DYSF: variants seen among roughly 807,000 people sequenced by gnomAD.
DYSF encodes dysferlin.
DYSF carries 212 observed loss-of-function variants against 274.9 expected under a neutral mutation model. The ratio of observed to expected loss-of-function variants is 0.77; its 90% confidence interval spans 0.69 to 0.86. The LOEUF (loss-of-function observed/expected upper bound fraction) is 0.86. Among genes scored for constraint, DYSF ranks in the 40% least tolerant of loss-of-function variants. DYSF has a pLI of 0.00. For missense variants in DYSF, 2,666 were observed against 2,783.2 expected (o/e 0.96, Z 0.95); for synonymous variants, 1,091 against 1,078.7 (o/e 1.01, Z -0.22).
At chr2:71,543,807 CG>C (rs914921939) in intron 17 of DYSF, among the ~76,000 whole-genome samples, 33 of 152,026 alleles carry the variant, frequency 2.2e-4, no homozygotes, top group African/African-American at 8.0e-4. Context: ...GCAGAGATGG[CG>C]GCAGTACAGT....
intron 41 of DYSF, among the ~76,000 whole-genome samples, chr2:71,641,183 T>TC (rs1163559837): frequency 2.0e-5 from 3 of 146,472 alleles, no homozygotes; most frequent in Admixed American, 1.3e-4. Flanking sequence ...TATCTATTTT[T>TC]TTTTTTTTTT....
rs1349149453 is a variant in DYSF, at chr2:71,668,835, G to A, written c.5539G>A (p.Ala1847Thr). 5 of 1,612,902 alleles carry A rather than the reference G, an allele frequency of 3.1e-6. No individual in the cohort carries two copies. The South Asian group carries it at 4.4e-5, about 14-fold the overall frequency. The change falls in exon 49 of 56, where the codon GCC becomes ACC. Residue 1847 changes from alanine to threonine, a missense_variant. This residue lies in a region of DYSF where 1,460 missense variants were observed against 1,502.1 expected (regional missense o/e 0.97). Coordinates refer to ENST00000410020, the MANE Select transcript of DYSF (RefSeq NM_001130987.2). The stretch of plus-strand genomic sequence containing the variant: ...TCCCTTCAACATCACCCCACGGAGA[G>A]CCAGAAGGTGACTTGCCCAGCCACA... ...GPPFNITPRR[A>T]RRFFLRCIIW...
intron 17 of DYSF, among the ~76,000 whole-genome samples, chr2:71,550,408 C>T (rs558483237): frequency 2.0e-4 from 30 of 151,760 alleles, no homozygotes; most frequent in South Asian, 1.9e-3. Flanking sequence ...GTTCTTTGTA[C>T]AATGTGTGTG....
At chr2:71,599,478 G>C (rs1030052400) in intron 33 of DYSF, among the ~76,000 whole-genome samples, 2 of 152,240 alleles carry the variant, frequency 1.3e-5, no homozygotes, top group Non-Finnish European at 2.9e-5. Flanking sequence ...GGGAGAGAGT[G>C]CTATGGGCTG....
intron 55 of DYSF, among the ~76,000 whole-genome samples, chr2:71,686,247 C>T (rs545171027): frequency 1.8e-4 from 27 of 152,248 alleles, no homozygotes; most frequent in Admixed American, 1.0e-3. Flanking sequence ...CTAGGCAGGG[C>T]GGAGTGTTGA....
At chr2:71,685,108 C>G (rs891547290) in intron 55 of DYSF, among the ~76,000 whole-genome samples, 1 of 152,198 alleles carries the variant, frequency 6.6e-6, no homozygotes, top group Non-Finnish European at 1.5e-5. Context: ...GGAAGGAGGC[C>G]CTGCTGCCTG....
chr2:71,589,498 T>C, intron 30 of DYSF, 95 bp from the exon 31 acceptor site: 1 of 967,776 alleles, frequency 1.0e-6, no homozygotes, highest in Non-Finnish European at 1.7e-6. Context: ...AGCGGAGAGA[T>C]CTCCTGGCCC....
intron 1 of DYSF, among the ~76,000 whole-genome samples, chr2:71,456,474 T>G (rs1260209779): frequency 6.6e-6 from 1 of 152,184 alleles, no homozygotes. Context: ...ACAGAAGACT[T>G]CGGTCTCAGG....
At chr2:71,518,427 T>G (rs1455586228) in intron 10 of DYSF, among the ~76,000 whole-genome samples, 4 of 151,556 alleles carry the variant, frequency 2.6e-5, no homozygotes, top group African/African-American at 9.7e-5. Context: ...TGGCAGTTTT[T>G]TTTTTTTTTT....
chr2:71,548,046 A>T (rs74698259), intron 17 of DYSF, among the ~76,000 whole-genome samples: 19,199 of 152,144 alleles, frequency 0.13, 1,368 homozygotes, highest in African/African-American at 0.18. Context: ...TGTTGCAGAA[A>T]ACTCCCCATG....
In DYSF at chr2:71,526,291, C is replaced by G; in HGVS notation, c.1221C>G (p.Ala407=). The G allele has an allele frequency of 6.2e-7, 1 of 1,614,218 alleles. No individual in the cohort carries two copies. The highest frequency in any genetic ancestry group is 8.5e-7 in the Non-Finnish European group (1 of 1,180,028). Residue 407 remains alanine, a synonymous_variant, in exon 13 of 56, where the codon GCC becomes GCG. Coordinates refer to ENST00000410020, the MANE Select transcript of DYSF (RefSeq NM_001130987.2). ...ESNLLRPTGV[A]LRGAHFCLKV... Reference sequence around the variant, plus strand: ...ACCTGCTCCGGCCCACAGGCGTAGCCCTGCGAGGAGCCCACTTCTGCCTGA... The same window carrying G: ...ACCTGCTCCGGCCCACAGGCGTAGCGCTGCGAGGAGCCCACTTCTGCCTGA...
At chr2:71,679,959 G>A (rs1034881957) in intron 53 of DYSF, among the ~76,000 whole-genome samples, 1 of 152,154 alleles carries the variant, frequency 6.6e-6, no homozygotes, top group African/African-American at 2.4e-5. Context: ...ATCTGGAGGA[G>A]ATATGTTCCA....
At chr2:71,597,522 A>G (rs1574256710) in intron 32 of DYSF, among the ~76,000 whole-genome samples, 1 of 152,006 alleles carries the variant, frequency 6.6e-6, no homozygotes. Context: ...TCTCCAGCCC[A>G]CCCCGGCCCT....
At chr2:71,644,202 A>G (rs1019256373) in intron 42 of DYSF, 139 bp downstream of exon 42, 23 of 823,918 alleles carry the variant, frequency 2.8e-5, no homozygotes, top group Non-Finnish European at 4.1e-5. Context: ...GAATGCTGCT[A>G]GACCAGCTGG....
At chr2:71,534,898 C>A (rs2089150690) in intron 14 of DYSF, 123 bp from the exon 15 acceptor site, 1 of 1,006,558 alleles carries the variant, frequency 9.9e-7, no homozygotes, top group Non-Finnish European at 1.6e-6. Context: ...ACCCCAGGGT[C>A]TTACACCCAG....
At chr2:71,520,686 G>C in intron 11 of DYSF, 103 bp from the exon 12 acceptor site, 1 of 942,794 alleles carries the variant, frequency 1.1e-6, no homozygotes, top group East Asian at 2.4e-5. Context: ...CCCAGCGGAT[G>C]AGTCCTTTAC....
chr2:71,629,914 T>C (rs1018316180), intron 41 of DYSF, among the ~76,000 whole-genome samples: 1 of 152,244 alleles, frequency 6.6e-6, no homozygotes, highest in Non-Finnish European at 1.5e-5. Flanking sequence ...CAGGGTTGTG[T>C]ACTCTAATTT....
intron 45 of DYSF, among the ~76,000 whole-genome samples, chr2:71,661,952 C>A (rs2094889209): frequency 6.6e-6 from 1 of 152,072 alleles, no homozygotes; most frequent in Non-Finnish European, 1.5e-5. Flanking sequence ...GGCTGGCGAG[C>A]TCCAGGGGCT....
chr2:71,552,707 G>GC (rs1254216412), intron 19 of DYSF, among the ~76,000 whole-genome samples: 4 of 152,258 alleles, frequency 2.6e-5, no homozygotes, highest in African/African-American at 9.6e-5. Flanking sequence ...CCCAGTGGGA[G>GC]CCCCCACTCA....
Sources: allele counts gnomAD v4.1 joint callset (sites outside exome capture counted in the v4.1 genomes callset), GRCh38; gene constraint gnomAD v4.1.1; regional missense constraint gnomAD v4.1.1; transcripts MANE v1.5; gene names NCBI Gene and HGNC (gene_info 2026-07-23, HGNC 2026-07-21).